Variants in BRIP1 observed in about 807,000 individuals in gnomAD.
The protein encoded by BRIP1 is BRCA1 interacting DNA helicase 1, also known as Fanconi anemia group J protein.
In BRIP1, 88 loss-of-function variants were observed where a neutral mutation model predicts 119.7. The ratio of observed to expected loss-of-function variants is 0.74; its 90% CI spans 0.62 to 0.88. The LOEUF is 0.88. BRIP1 is among the 40% of genes least tolerant of loss of function. The pLI is 0.00. For missense variants in BRIP1, 1,259 were observed against 1,455.4 expected (o/e 0.87, Z 2.20); for synonymous variants, 443 against 496.5 (o/e 0.89, Z 1.43).
At chr17:61,711,264 GA>G (rs1406271388) in intron 17 of BRIP1, among the ~76,000 whole-genome samples, 1 of 151,660 alleles carries the variant, frequency 6.6e-6, no homozygotes, top group African/African-American at 2.4e-5. Context: ...CTAAAAGGAA[GA>G]AAAAAATCAA....
chr17:61,731,505 T>C (rs1231799094), intron 16 of BRIP1, among the ~76,000 whole-genome samples: 1 of 152,212 alleles, frequency 6.6e-6, no homozygotes, highest in African/African-American at 2.4e-5. Context: ...CTCTCCCAGC[T>C]TCTATTCACA....
At chr17:61,697,336 CAAAAAAAAAAAAAAAAAAAA>C (rs55963888) in intron 17 of BRIP1, among the ~76,000 whole-genome samples, 1 of 59,142 alleles carries the variant, frequency 1.7e-5, no homozygotes, top group Non-Finnish European at 2.9e-5. Context: ...GACTCTGTCT[CAAAAAAAAAAAAAAAAAAAA>C]AAAAAAAAAA....
Position 61,744,370 on chromosome 17 carries a change from G to C in BRIP1, c.2257+62C>G. The C allele has an allele frequency of 1.3e-6, 2 of 1,521,148 alleles. No homozygotes were observed. The highest frequency in any genetic ancestry group is 3.4e-5 in the Admixed American group (2 of 59,154). 94.2% of individuals were successfully genotyped at this position (1,521,148 alleles called of 1,614,324 possible). ...CATCTAAAAATATAAAATTATAATTGTACCTTCTTACTTTGTAATAAAAAA... is the reference window on the plus strand; with the variant it reads ...CATCTAAAAATATAAAATTATAATTCTACCTTCTTACTTTGTAATAAAAAA... On this transcript the variant is annotated intron_variant, in intron 15 of 19. Coordinates refer to ENST00000259008, the MANE Select transcript of BRIP1 (RefSeq NM_032043.3). This position sits in a 1 kb window ranked among gnomAD's most constrained non-coding sequence, Gnocchi z 5.0.
rs2076926842 is a variant in BRIP1, at chr17:61,736,976, A to T, written c.2379+6037T>A. On this transcript the variant is annotated intron_variant, in intron 16 of 19. Coordinates refer to ENST00000259008, the MANE Select transcript of BRIP1 (RefSeq NM_032043.3). The surrounding 1 kb of genome is among the most constrained non-coding windows in gnomAD (Gnocchi z 4.4). ...AATAATTAAAAACTAACAGCCACAC[A>T]AAGTATAAAGATGGAATCTGTGACA... Among the ~76,000 whole-genome samples the T allele has an allele frequency of 6.6e-6, 1 of 152,212 alleles. No individual in the cohort carries two copies. Among genetic ancestry groups the T allele is most frequent in the Non-Finnish European group, 1.5e-5 (1 of 68,006 alleles).
intron 4 of BRIP1, among the ~76,000 whole-genome samples, chr17:61,850,979 G>A (rs2078812376): frequency 6.6e-6 from 1 of 152,134 alleles, no homozygotes; most frequent in Admixed American, 6.5e-5. Flanking sequence ...TGTAATCCCA[G>A]CACTTTGGGA....
rs2061728737 is a variant in BRIP1 at position 61,708,630 on chromosome 17, T to C, written c.2492+7321A>G. ...TGTTTGCTTTGTTGGACTTGTTTTG[T>C]TGTTGTTGTTTTGGTCTGTTTTTCA... On this transcript the variant is annotated intron_variant, in intron 17 of 19. Transcript: ENST00000259008. This position sits in a 1 kb window ranked among gnomAD's most constrained non-coding sequence, Gnocchi z 4.4. 6.6e-6 allele frequency among the ~76,000 whole-genome samples: 1 copy of C among 152,180 alleles called. No homozygotes were observed.
intron 16 of BRIP1, among the ~76,000 whole-genome samples, chr17:61,718,286 C>A (rs1184833723): frequency 2.0e-5 from 3 of 152,152 alleles, no homozygotes; most frequent in Non-Finnish European, 2.9e-5. Context: ...TCTTTGGCAG[C>A]TTTGTTAGGG....
At position 61,822,401 on chromosome 17, in the gene BRIP1, T is replaced by C. The variant is rs1378790406; in HGVS notation, c.628-13644A>G. On this transcript the variant is annotated intron_variant, in intron 6 of 19. Transcript: ENST00000259008. The surrounding 1 kb of genome is among the most constrained non-coding windows in gnomAD (Gnocchi z 4.4). ...TAGTTTTTCAGGGCTTGCAGAATCA[T>C]TTTACTCAATTTGATAAGATTTTTG... Among the ~76,000 whole-genome samples the C allele has an allele frequency of 6.6e-6, 1 of 152,132 alleles. No individual in the cohort carries two copies.
intron 6 of BRIP1, among the ~76,000 whole-genome samples, chr17:61,826,903 C>T (rs979229602): frequency 2.0e-5 from 3 of 152,096 alleles, no homozygotes; most frequent in Admixed American, 2.0e-4. Flanking sequence ...CCATTTGACC[C>T]AGCAATCCCA....
chr17:61,792,790 C>A (rs890010487), intron 10 of BRIP1, among the ~76,000 whole-genome samples: 6 of 152,114 alleles, frequency 3.9e-5, no homozygotes, highest in Admixed American at 2.6e-4. Context: ...CTCTACAACA[C>A]AAGGGGTAAA....
rs2077567664 is a variant in BRIP1, at chr17:61,778,462, T to C, written c.1935+1799A>G. The stretch of plus-strand genomic sequence containing the variant: ...GACTGAGCTGTATACTCAAAAATGG[T>C]TAAGATGGTAAATTTTATATATATT... On this transcript the variant is annotated intron_variant, in intron 13 of 19. Coordinates refer to ENST00000259008, the MANE Select transcript of BRIP1 (RefSeq NM_032043.3). This position sits in a 1 kb window ranked among gnomAD's most constrained non-coding sequence, Gnocchi z 4.4. Among the ~76,000 whole-genome samples the C allele has an allele frequency of 6.6e-6, 1 of 152,174 alleles. No individual in the cohort carries two copies. Among genetic ancestry groups the C allele is most frequent in the Non-Finnish European group, 1.5e-5 (1 of 68,026 alleles).
chr17:61,801,477 A>G lies in BRIP1; in HGVS notation c.919-3T>C, dbSNP rs2077994124. The G allele has an allele frequency of 6.3e-7, 1 of 1,587,582 alleles. No homozygotes were observed. Among genetic ancestry groups the G allele is most frequent in the Non-Finnish European group, 8.6e-7 (1 of 1,156,166 alleles). On this transcript the variant is annotated splice_polypyrimidine_tract_variant and splice_region_variant and intron_variant, in intron 7 of 19. Transcript: ENST00000259008. ...TGATAAAAATAGCAGGATTTTCCCTAGAAACAAATATGCATAACTGAAATG... is the reference window on the plus strand; with the variant it reads ...TGATAAAAATAGCAGGATTTTCCCTGGAAACAAATATGCATAACTGAAATG...
At chr17:61,787,855 A>G (rs1305993189) in intron 10 of BRIP1, among the ~76,000 whole-genome samples, 3 of 152,240 alleles carry the variant, frequency 2.0e-5, no homozygotes, top group East Asian at 1.9e-4. Context: ...CGTGTTAGCC[A>G]GGATGGTCTC....
At position 61,847,176 on chromosome 17, in the gene BRIP1, A is replaced by T. The variant is rs2145743973; in HGVS notation, c.552T>A (p.Asp184Glu). Reference protein sequence around the residue: ...HCFGTEVHNLDAKVDSGKTVK... With the variant: ...HCFGTEVHNLEAKVDSGKTVK... ...CAGTCTTTCCTGAATCAACTTTTGC[A>T]TCCAAATTGTGTACTTCTGTTCCAA... The change falls in exon 6 of 20, where the codon GAT becomes GAA. Residue 184 changes from aspartate (D) to glutamate (E), a missense_variant. Asp to Glu is a conservative substitution (Grantham distance 45, BLOSUM62 2). Transcript: ENST00000259008. 6.2e-7 allele frequency: 1 copy of T among 1,613,634 alleles called. No individual in the cohort carries two copies. Among genetic ancestry groups the T allele is most frequent in the Non-Finnish European group, 8.5e-7 (1 of 1,179,600 alleles).
At position 61,816,110 on chromosome 17, in the gene BRIP1, G is replaced by A. The variant is rs574794538; in HGVS notation, c.628-7353C>T. ...CTCACAGCAACCAGCAGGTGAACCTGATTCAATATTTATCACAGGCTTTCA... is the reference window on the plus strand; with the variant it reads ...CTCACAGCAACCAGCAGGTGAACCTAATTCAATATTTATCACAGGCTTTCA... On this transcript the variant is annotated intron_variant, in intron 6 of 19. Transcript: ENST00000259008. The surrounding 1 kb of genome is among the most constrained non-coding windows in gnomAD (Gnocchi z 5.0). 1.3e-5 allele frequency among the ~76,000 whole-genome samples: 2 copies of A among 152,324 alleles called. No homozygotes were observed. Among genetic ancestry groups the A allele is most frequent in the East Asian group, 3.9e-4 (2 of 5,184 alleles).
intron 17 of BRIP1, among the ~76,000 whole-genome samples, chr17:61,711,189 G>A (rs1351766782): frequency 6.6e-6 from 1 of 151,980 alleles, no homozygotes; most frequent in Non-Finnish European, 1.5e-5. Flanking sequence ...TTGTAAACGA[G>A]AAAACCACAT....
intron 6 of BRIP1, among the ~76,000 whole-genome samples, chr17:61,818,909 G>C (rs1363158761): frequency 6.6e-6 from 1 of 152,058 alleles, no homozygotes; most frequent in Non-Finnish European, 1.5e-5. Context: ...TTATTGGCTG[G>C]GCACGGTGGC....
intron 11 of BRIP1, among the ~76,000 whole-genome samples, chr17:61,782,926 C>A (rs1261649406): frequency 6.6e-6 from 1 of 152,102 alleles, no homozygotes; most frequent in Non-Finnish European, 1.5e-5. Context: ...GAAATTGGAA[C>A]CCTTGTGCAT....
intron 13 of BRIP1, among the ~76,000 whole-genome samples, chr17:61,777,714 C>G (rs560798937): frequency 6.6e-6 from 1 of 152,088 alleles, no homozygotes; most frequent in South Asian, 2.1e-4. Flanking sequence ...CCAGGCACAT[C>G]ACCCTCCAAG....
Sources: gnomAD v4.1 joint callset for allele counts (sites outside exome capture counted in the v4.1 genomes callset) on GRCh38, gnomAD v4.1.1 for gene constraint, Gnocchi (gnomAD v3.1) non-coding constraint, MANE v1.5 for transcripts, NCBI Gene and HGNC (gene_info 2026-07-23, HGNC 2026-07-21) for gene names.